Variants in NBEA observed in about 807,000 individuals in gnomAD.
NBEA encodes lysosomal-trafficking regulator 2.
In NBEA, 44 loss-of-function variants were observed where a neutral mutation model predicts 343.4. The observed-to-expected ratio is 0.13, with a 90% CI of 0.10 to 0.16. The LOEUF (loss-of-function observed/expected upper bound fraction) is 0.16. Ranked by LOEUF, NBEA falls within the 10% of genes least tolerant of loss-of-function variation. NBEA has a pLI of 1.00. For synonymous variants in NBEA, 1,175 were observed against 1,238.7 expected, an observed-to-expected ratio of 0.95 and a Z score of 1.08; for missense variants, 2,555 against 3,631.3, an observed-to-expected ratio of 0.70 and a Z score of 7.62.
In NBEA at chr13:35,182,496, T is replaced by A. The variant is rs748248345; in HGVS notation, c.4799T>A (p.Ile1600Asn). ...ACTGGAAGCCAACCAGGTAGAAACA[T>A]CAGGCAAGAAATAAATTCACCAACA... Reference protein sequence around the residue: ...TRTGSQPGRNIRQEINSPTST... With the variant: ...TRTGSQPGRNNRQEINSPTST... The change falls in exon 29 of 59, where the codon ATC becomes AAC. Residue 1600 changes from isoleucine (I) to asparagine (N), a missense_variant. Around this residue, in one of 21 missense-constraint regions of NBEA, gnomAD observed 270 missense variants for 293.3 expected, o/e 0.92. Coordinates refer to ENST00000379939, the MANE Select transcript of NBEA (RefSeq NM_001385012.1). 1.9e-6 allele frequency: 3 copies of A among 1,610,086 alleles called. No individual in the cohort carries two copies. The highest frequency in any genetic ancestry group is 3.4e-5 in the Admixed American group (2 of 59,654).
chr13:35,422,394 C>T (rs778594427), intron 38 of NBEA, among the ~76,000 whole-genome samples: 3 of 148,392 alleles, frequency 2.0e-5, no homozygotes, highest in Non-Finnish European at 4.4e-5. Flanking sequence ...TGAGAACATG[C>T]GGTGTTTGGT....
At chr13:35,510,484 C>A (rs2077235917) in intron 41 of NBEA, among the ~76,000 whole-genome samples, 1 of 152,150 alleles carries the variant, frequency 6.6e-6, no homozygotes. Flanking sequence ...TAAGTGTTAA[C>A]ACTAAGGGCC....
At chr13:35,308,446 A>C (rs1430182579) in intron 35 of NBEA, among the ~76,000 whole-genome samples, 4 of 91,872 alleles carry the variant, frequency 4.4e-5, no homozygotes, top group Non-Finnish European at 7.9e-5. Flanking sequence ...TACTATATAT[A>C]TATATATATA....
intron 1 of NBEA, among the ~76,000 whole-genome samples, chr13:35,023,405 G>A (rs543539571): frequency 1.3e-5 from 2 of 151,960 alleles, no homozygotes; most frequent in African/African-American, 2.4e-5. Flanking sequence ...ATTTTAAAGG[G>A]CTTTCATACT....
chr13:35,099,734 C>T (rs1376139409), intron 11 of NBEA, among the ~76,000 whole-genome samples: 1 of 151,912 alleles, frequency 6.6e-6, no homozygotes, highest in Admixed American at 6.6e-5. Context: ...GATGGGTTTA[C>T]TTTTTCCCAT....
intron 35 of NBEA, among the ~76,000 whole-genome samples, chr13:35,300,763 C>T (rs150986457): frequency 2.0e-5 from 3 of 152,258 alleles, no homozygotes; most frequent in Non-Finnish European, 4.4e-5. Flanking sequence ...AGGAGTCAGG[C>T]CTAAAAATTC....
intron 34 of NBEA, among the ~76,000 whole-genome samples, chr13:35,260,732 C>T (rs754675928): frequency 1.3e-5 from 2 of 152,112 alleles, no homozygotes; most frequent in African/African-American, 2.4e-5. Flanking sequence ...AAAATATGAC[C>T]GTGGACCTTT....
intron 33 of NBEA, among the ~76,000 whole-genome samples, chr13:35,220,417 T>C (rs1427665481): frequency 1.3e-5 from 2 of 152,202 alleles, no homozygotes; most frequent in East Asian, 3.9e-4. Context: ...GAATTTTTAG[T>C]TCCTATTTCT....
chr13:35,096,940 A>G (rs977539841), intron 10 of NBEA, among the ~76,000 whole-genome samples: 1 of 151,960 alleles, frequency 6.6e-6, no homozygotes, highest in African/African-American at 2.4e-5. Flanking sequence ...GTAAAAGAAT[A>G]TCATTGATTT....
intron 45 of NBEA, among the ~76,000 whole-genome samples, chr13:35,583,241 G>A (rs773860259): frequency 6.6e-6 from 1 of 152,172 alleles, no homozygotes; most frequent in African/African-American, 2.4e-5. Flanking sequence ...TCAGTATAGG[G>A]ATTAGCATCA....
At chr13:35,384,404 G>A (rs1384657344) in intron 38 of NBEA, among the ~76,000 whole-genome samples, 1 of 152,024 alleles carries the variant, frequency 6.6e-6, no homozygotes, top group East Asian at 1.9e-4. Context: ...TGTAATCAGA[G>A]GAGTGATTAT....
rs745327420 is a variant in NBEA, at chr13:35,173,457, T to G, written c.4424-7T>G. 2 of 1,583,092 alleles carry G rather than the reference T, an allele frequency of 1.3e-6. No homozygotes were observed. Among genetic ancestry groups the G allele is most frequent in the Non-Finnish European group, 1.7e-6 (2 of 1,163,408 alleles). ...TATTAACAATATGTTTTTGAATTTT[T>G]AAATAGTTTGTTGTGTTGCTGTGAG... On this transcript the variant is annotated splice_region_variant and splice_polypyrimidine_tract_variant and intron_variant, in intron 26 of 58. Coordinates refer to ENST00000379939, the MANE Select transcript of NBEA (RefSeq NM_001385012.1).
At chr13:35,603,601 A>G (rs1025157061) in intron 47 of NBEA, among the ~76,000 whole-genome samples, 2 of 152,244 alleles carry the variant, frequency 1.3e-5, no homozygotes, top group African/African-American at 4.8e-5. Context: ...AGTTGTTTAA[A>G]TAAAACTAAA....
chr13:35,623,796 C>T (rs966476311), intron 48 of NBEA, among the ~76,000 whole-genome samples: 42 of 152,034 alleles, frequency 2.8e-4, no homozygotes, highest in Non-Finnish European at 5.3e-4. Flanking sequence ...CCATCCCCTC[C>T]TCAAAATTCA....
At chr13:35,634,118 G>A (rs2083591660) in intron 49 of NBEA, among the ~76,000 whole-genome samples, 1 of 152,194 alleles carries the variant, frequency 6.6e-6, no homozygotes, top group Non-Finnish European at 1.5e-5. Flanking sequence ...GCCGAGGCAG[G>A]CAGATCACGA....
chr13:34,942,949 G>A lies in NBEA; in HGVS notation c.129G>A (p.Gly43=), dbSNP rs377083857. 3.8e-6 allele frequency: 6 copies of A among 1,591,890 alleles called. No homozygotes were observed. Among genetic ancestry groups the A allele is most frequent in the Non-Finnish European group, 5.1e-6 (6 of 1,169,604 alleles). The part of the protein sequence containing the change: ...GGGGTGGSGM[G]ELRGASGSGS... ...GCGGCACCGGGGGCAGCGGGATGGG[G>A]GAGCTAAGGGGGGCGTCCGGCTCCG... is the stretch of plus-strand genomic sequence containing the variant. The change falls in exon 1 of 59, where the codon GGG becomes GGA. Residue 43 remains glycine, a synonymous_variant. Coordinates refer to ENST00000379939, the MANE Select transcript of NBEA (RefSeq NM_001385012.1).
chr13:35,168,870 T>C, intron 24 of NBEA, 117 bp from the exon 25 acceptor site: 1 of 667,176 alleles, frequency 1.5e-6, no homozygotes, highest in Non-Finnish European at 2.1e-6. Flanking sequence ...TAATCAAATA[T>C]AATTTTTAAA....
At chr13:35,079,021 T>TAAAAACA (rs1028082076) in intron 10 of NBEA, among the ~76,000 whole-genome samples, 1 of 152,062 alleles carries the variant, frequency 6.6e-6, no homozygotes, top group Non-Finnish European at 1.5e-5. Flanking sequence ...ATTGTGTCTT[T>TAAAAACA]AAAAACAAAA....
At chr13:35,215,846 A>G (rs1240451395) in intron 33 of NBEA, among the ~76,000 whole-genome samples, 1 of 151,582 alleles carries the variant, frequency 6.6e-6, no homozygotes, top group Non-Finnish European at 1.5e-5. Context: ...TTTAAATTAT[A>G]GATTTAGTTT....
Sources: allele counts gnomAD v4.1 joint callset (sites outside exome capture counted in the v4.1 genomes callset), GRCh38; gene constraint gnomAD v4.1.1; regional missense constraint gnomAD v4.1.1; transcripts MANE v1.5; gene names NCBI Gene and HGNC (gene_info 2026-07-23, HGNC 2026-07-21).